ARHGEF9: variants seen among roughly 807,000 people sequenced by gnomAD.
ARHGEF9 encodes Cdc42 guanine nucleotide exchange factor 9, also known as rho guanine nucleotide exchange factor 9.
In ARHGEF9, 2 loss-of-function variants were observed where a neutral mutation model predicts 41.3. The ratio of observed to expected loss-of-function variants is 0.05; its 90% CI spans 0.02 to 0.15. The LOEUF (loss-of-function observed/expected upper bound fraction) is 0.15, where lower values mean the gene tolerates loss of function less well. Ranked by LOEUF, ARHGEF9 falls within the 10% of genes least tolerant of loss-of-function variation. The probability of loss-of-function intolerance (pLI) is 1.00; values close to 1 mark genes in which losing one functional copy is unlikely to be tolerated. For synonymous variants in ARHGEF9, 160 were observed against 154.4 expected (o/e 1.04, Z -0.27); for missense variants, 225 against 424.7 (o/e 0.53, Z 4.13).
At chrX:63,744,440 G>T (rs1175572353) in intron 1 of ARHGEF9, among the ~76,000 whole-genome samples, 1 of 112,342 alleles carries the variant, frequency 8.9e-6, no homozygotes, top group Non-Finnish European at 1.9e-5. Context: ...ACAATGAGGA[G>T]ATTAGAATCA....
At chrX:63,645,136 T>C (rs2047928277) in intron 8 of ARHGEF9, among the ~76,000 whole-genome samples, 1 of 110,425 alleles carries the variant, frequency 9.1e-6, no homozygotes, top group East Asian at 2.8e-4. Context: ...ATAAAATATC[T>C]AAAAATAAAT....
chrX:63,687,604 G>A (rs1556377032), intron 4 of ARHGEF9, among the ~76,000 whole-genome samples: 1 of 110,804 alleles, frequency 9.0e-6, no homozygotes, highest in Non-Finnish European at 1.9e-5. Flanking sequence ...AGGAAACTCA[G>A]AAAATGCCAA....
At position 63,637,937 on chromosome X, in the gene ARHGEF9, T is replaced by A; in HGVS notation, c.*91A>T. On this transcript the variant is annotated 3_prime_UTR_variant, in exon 10 of 10. Transcript: ENST00000671741. The stretch of plus-strand genomic sequence containing the variant: ...GGGTCTCTGTGTGTGTGTGTGTGTA[T>A]AAATTTCAACAGTGCTTCTCCGAAA... The A allele has an allele frequency of 3.6e-6, 3 of 832,449 alleles. No individual in the cohort carries two copies. Among genetic ancestry groups the A allele is most frequent in the Non-Finnish European group, 5.0e-6 (3 of 596,440 alleles). The allele number at this position is 832,449 out of a possible 1,213,427, so 68.6% of individuals were successfully genotyped here. A position where few individuals can be genotyped will look rare whatever the true frequency, so the allele number is the denominator to read the frequency against.
chrX:63,722,219 C>T (rs1204298118), intron 2 of ARHGEF9, among the ~76,000 whole-genome samples: 10 of 111,518 alleles, frequency 9.0e-5, no homozygotes, highest in African/African-American at 2.9e-4. Context: ...GTAGGGCTAA[C>T]TTGAACAGAA....
At chrX:63,754,590 C>A in intron 1 of ARHGEF9, 1 of 1,071,677 alleles carries the variant, frequency 9.3e-7, no homozygotes, top group African/African-American at 1.9e-5. Flanking sequence ...TGGTGCAATG[C>A]AGAACACTGT....
chrX:63,717,703 A>G (rs1404472452), intron 2 of ARHGEF9, among the ~76,000 whole-genome samples: 2 of 111,840 alleles, frequency 1.8e-5, no homozygotes, highest in Non-Finnish European at 3.8e-5. Context: ...TGCAAGTATT[A>G]CCAGTATTAT....
chrX:63,716,331 T>C (rs1281113888), intron 2 of ARHGEF9, among the ~76,000 whole-genome samples: 2 of 110,394 alleles, frequency 1.8e-5, no homozygotes, highest in Non-Finnish European at 3.8e-5. Flanking sequence ...GAGAATGGGC[T>C]AGAAAAGTTC....
chrX:63,738,332 G>A (rs1385436430), intron 1 of ARHGEF9, among the ~76,000 whole-genome samples: 10 of 112,020 alleles, frequency 8.9e-5, no homozygotes, highest in Admixed American at 4.7e-4. Flanking sequence ...GGAGTGGAAG[G>A]GAGACTTTTC....
At chrX:63,779,093 A>C (rs2056339915) in intron 1 of ARHGEF9, among the ~76,000 whole-genome samples, 1 of 111,697 alleles carries the variant, frequency 9.0e-6, no homozygotes, top group African/African-American at 3.3e-5. Flanking sequence ...GCCCTAAACC[A>C]TTCTCTAAGA....
chrX:63,647,443 G>T (rs1243860159), intron 8 of ARHGEF9, among the ~76,000 whole-genome samples: 3 of 111,710 alleles, frequency 2.7e-5, no homozygotes, highest in African/African-American at 9.8e-5. Context: ...AGCATGAAGG[G>T]TTGTTGAATT....
intron 1 of ARHGEF9, among the ~76,000 whole-genome samples, chrX:63,744,296 A>C (rs782220616): frequency 2.0e-4 from 22 of 112,445 alleles, no homozygotes; most frequent in Non-Finnish European, 3.9e-4. Context: ...GAAAGACCAC[A>C]GTGGCTTGCA....
intron 1 of ARHGEF9, among the ~76,000 whole-genome samples, chrX:63,739,263 C>T (rs1363739702): frequency 2.7e-5 from 3 of 111,077 alleles, no homozygotes; most frequent in African/African-American, 9.8e-5. Context: ...TGGCTTAAAC[C>T]GGCAGAAGGA....
At chrX:63,757,652 C>T (rs1407708570) in intron 1 of ARHGEF9, among the ~76,000 whole-genome samples, 2 of 111,579 alleles carry the variant, frequency 1.8e-5, no homozygotes, top group Non-Finnish European at 3.8e-5. Flanking sequence ...CCTGCTGTCA[C>T]TACTTTTAAT....
rs1271593950 is a variant in ARHGEF9, at chrX:63,719,940, C to A, written c.210+4592G>T. Reference sequence around the variant, plus strand: ...GGACAGGACAAATAGCAAACACATGCAATAGCACAGGAAGGAGGAAGCTAA... The same window carrying A: ...GGACAGGACAAATAGCAAACACATGAAATAGCACAGGAAGGAGGAAGCTAA... On this transcript the variant is annotated intron_variant, in intron 2 of 9. Coordinates refer to ENST00000671741, the MANE Select transcript of ARHGEF9 (RefSeq NM_001353921.2). 8.2e-5 allele frequency: 23 copies of A among 280,524 alleles called. No homozygotes were observed. The East Asian group carries it at 1.2e-3, about 14-fold the overall frequency. 23.1% of individuals were successfully genotyped at this position (280,524 alleles called of 1,213,427 possible).
At chrX:63,722,675 G>T (rs1398921725) in intron 2 of ARHGEF9, 1 of 111,673 alleles carries the variant, frequency 9.0e-6, no homozygotes, top group Non-Finnish European at 1.9e-5. Context: ...CCTTGAAAAT[G>T]AAATGCATTT....
chrX:63,778,908 T>G (rs781847335), intron 1 of ARHGEF9, among the ~76,000 whole-genome samples: 1 of 112,503 alleles, frequency 8.9e-6, no homozygotes, highest in East Asian at 2.8e-4. Context: ...GGTTGATCAG[T>G]GTCAATTCAT....
intron 1 of ARHGEF9, among the ~76,000 whole-genome samples, chrX:63,777,605 A>G (rs1212068790): frequency 8.9e-6 from 1 of 112,447 alleles, no homozygotes; most frequent in Admixed American, 9.4e-5. Flanking sequence ...CTGGAAAATA[A>G]AAAGCAAGTT....
At chrX:63,677,410 C>T (rs1478695500) in intron 5 of ARHGEF9, among the ~76,000 whole-genome samples, 3 of 111,874 alleles carry the variant, frequency 2.7e-5, no homozygotes, top group African/African-American at 9.8e-5. Flanking sequence ...GTATTTCAGC[C>T]CTACCTATCT....
intron 7 of ARHGEF9, among the ~76,000 whole-genome samples, chrX:63,664,765 C>T (rs2049417845): frequency 8.9e-6 from 1 of 112,230 alleles, no homozygotes; most frequent in Non-Finnish European, 1.9e-5. Context: ...TATCACCAAA[C>T]ACTGAGGCAG....
Sources: gnomAD v4.1 joint callset for allele counts (sites outside exome capture counted in the v4.1 genomes callset) on GRCh38, gnomAD v4.1.1 for gene constraint, MANE v1.5 for transcripts, NCBI Gene and HGNC (gene_info 2026-07-23, HGNC 2026-07-21) for gene names.